The following MYZAP variants were observed in gnomAD, a reference collection of about 807,000 sequenced individuals.
The protein encoded by MYZAP is GRINL1A complex locus upstream.
MYZAP carries 66 observed loss-of-function variants against 69.4 expected under a neutral mutation model. The ratio of observed to expected loss-of-function variants is 0.95; its 90% CI spans 0.78 to 1.17. The LOEUF (loss-of-function observed/expected upper bound fraction) is 1.17. MYZAP is among the 50% of genes most tolerant of loss of function. The probability of loss-of-function intolerance (pLI) is 0.00; values close to 1 mark genes in which losing one functional copy is unlikely to be tolerated. For missense variants in MYZAP, 611 were observed against 556.2 expected, an observed-to-expected ratio of 1.10 and a Z score of -0.99; for synonymous variants, 256 against 205.9, an observed-to-expected ratio of 1.24 and a Z score of -2.09.
At chr15:57,646,121 A>G (rs1243564921) in intron 10 of MYZAP, 8 of 1,288,230 alleles carry the variant, frequency 6.2e-6, no homozygotes, top group African/African-American at 3.0e-5. Context: ...AATCCACTCA[A>G]TTGAACTGTC....
chr15:57,661,129 A>G (rs1293372572), intron 10 of MYZAP, among the ~76,000 whole-genome samples: 2 of 152,206 alleles, frequency 1.3e-5, no homozygotes, highest in Admixed American at 6.5e-5. Context: ...TTAAAGGGTT[A>G]CACAGCAAAA....
chr15:57,646,280 G>T (rs2037442495), intron 10 of MYZAP: 1 of 1,273,780 alleles, frequency 7.9e-7, no homozygotes. Context: ...GGAAGAGGTG[G>T]TATTTATCTA....
In MYZAP at chr15:57,669,745, C is replaced by T. The variant is rs551117771; in HGVS notation, c.1204-5223C>T. On this transcript the variant is annotated intron_variant, in intron 11 of 12. Transcript: ENST00000267853. ...TAGAACTTAGGTCATTGATTTTAGACCTTTCTTCTTTTTTAATATAAACCT... is the reference window on the plus strand; with the variant it reads ...TAGAACTTAGGTCATTGATTTTAGATCTTTCTTCTTTTTTAATATAAACCT... Among the ~76,000 whole-genome samples the T allele has an allele frequency of 1.4e-4, 21 of 152,124 alleles. No individual in the cohort carries two copies. The South Asian group carries it at 4.4e-3, about 32-fold the overall frequency.
rs1164422835 is a variant in MYZAP at position 57,684,547 on chromosome 15, C to G, written c.*49C>G. 8.1e-7 allele frequency: 1 copy of G among 1,233,636 alleles called. No homozygotes were observed. Among genetic ancestry groups the G allele is most frequent in the East Asian group, 2.3e-5 (1 of 42,970 alleles). The allele number at this position is 1,233,636 out of a possible 1,614,324, so 76.4% of individuals were successfully genotyped here. On this transcript the variant is annotated 3_prime_UTR_variant, in exon 13 of 13. Coordinates refer to ENST00000267853, the MANE Select transcript of MYZAP (RefSeq NM_001018100.5). ...ACAGATGGACAAAAGCTCTGGAACCCTGTGGCTTCAAATCCTTTGGGAAGG... is the reference window on the plus strand; with the variant it reads ...ACAGATGGACAAAAGCTCTGGAACCGTGTGGCTTCAAATCCTTTGGGAAGG...
At chr15:57,646,326 A>T in intron 10 of MYZAP, 3 of 1,199,274 alleles carry the variant, frequency 2.5e-6, no homozygotes, top group Middle Eastern at 2.8e-4. Flanking sequence ...AGGACATATT[A>T]TTTAAAGGAA....
chr15:57,650,570 GCAAATTATC>G lies in MYZAP; in HGVS notation c.1120-10876_1120-10868del, dbSNP rs1360954478. Among the ~76,000 whole-genome samples the G allele has an allele frequency of 2.0e-5, 3 of 152,148 alleles. No individual in the cohort carries two copies. In the South Asian group the frequency reaches 6.2e-4, roughly 32 times the overall value. On this transcript the variant is annotated intron_variant, in intron 10 of 12. Transcript: ENST00000267853. ...CTACTGACTAGGCTTTGTATCTTGA[GCAAATTATC>G]CAAGATTCAGTTTCCTTATCAATAA...
chr15:57,642,701 C>G (rs1398057114), intron 10 of MYZAP, among the ~76,000 whole-genome samples: 1 of 152,154 alleles, frequency 6.6e-6, no homozygotes, highest in Non-Finnish European at 1.5e-5. Flanking sequence ...GTCACTACTG[C>G]GATCCTTGGG....
rs77166769 is a variant in MYZAP, at chr15:57,601,309, C to G, written c.76-2960C>G. 7.2e-3 allele frequency among the ~76,000 whole-genome samples: 1,034 copies of G among 144,542 alleles called. 6 individuals carry two copies. Among genetic ancestry groups the G allele is most frequent in the Non-Finnish European group, 8.2e-3 (536 of 65,658 alleles). The allele number at this position is 144,542 out of a possible 152,430, so 94.8% of individuals were successfully genotyped here. A position where few individuals can be genotyped will look rare whatever the true frequency, so the allele number is the denominator to read the frequency against. On this transcript the variant is annotated intron_variant, in intron 1 of 12. Coordinates refer to ENST00000267853, the MANE Select transcript of MYZAP (RefSeq NM_001018100.5). ...GTGTGTGTGTGTGTGTGATGTGGTG[C>G]AGGAGAAAAGGACTTCCTTTTCCCT...
chr15:57,604,118 C>T, intron 1 of MYZAP, 151 bp from the exon 2 acceptor site: 1 of 794,748 alleles, frequency 1.3e-6, no homozygotes, highest in East Asian at 2.6e-5. Flanking sequence ...GAAGGTAAGG[C>T]TGGCCTTATC....
intron 5 of MYZAP, 36 bp downstream of exon 5, chr15:57,625,928 A>G (rs1206236075): frequency 6.3e-7 from 1 of 1,585,700 alleles, no homozygotes; most frequent in East Asian, 2.2e-5. Flanking sequence ...AGGGCAACCC[A>G]GCTTAATCAA....
chr15:57,633,796 C>A, intron 8 of MYZAP, 55 bp downstream of exon 8: 2 of 1,425,382 alleles, frequency 1.4e-6, no homozygotes, highest in Non-Finnish European at 9.2e-7. Flanking sequence ...CCCTGTAGGT[C>A]CATCTGAGAT....
chr15:57,671,443 G>T (rs2038862697), intron 11 of MYZAP, among the ~76,000 whole-genome samples: 1 of 151,938 alleles, frequency 6.6e-6, no homozygotes, highest in African/African-American at 2.4e-5. Flanking sequence ...AATTTGGGGA[G>T]TTTTCAGCTA....
intron 5 of MYZAP, among the ~76,000 whole-genome samples, chr15:57,628,510 C>T (rs1230115561): frequency 5.3e-5 from 8 of 152,044 alleles, no homozygotes; most frequent in Non-Finnish European, 8.8e-5. Flanking sequence ...ACCTCAGCCT[C>T]CCAAAGTGCT....
Position 57,604,277 on chromosome 15 carries a change from T to C in MYZAP, c.84T>C (p.Val28=), listed in dbSNP as rs1337352123. 6.8e-6 allele frequency: 11 copies of C among 1,614,174 alleles called. No individual in the cohort carries two copies. The highest frequency in any genetic ancestry group is 8.5e-6 in the Non-Finnish European group (10 of 1,180,024). ...CTTTCCCTCTCTTCTAGGCAAATGT[T>C]TGCAGACTACGGCTGACCGTACCTC... The part of the protein sequence containing the change: ...TPGAPSRRAN[V]CRLRLTVPPE... The change falls in exon 2 of 13, where the codon GTT becomes GTC. Residue 28 remains valine, a synonymous_variant. Transcript: ENST00000267853.
intron 1 of MYZAP, among the ~76,000 whole-genome samples, chr15:57,597,901 C>G (rs1176922686): frequency 1.3e-5 from 2 of 152,142 alleles, no homozygotes; most frequent in African/African-American, 2.4e-5. Flanking sequence ...AGTGTGGGGT[C>G]TGTTCCCCCT....
At chr15:57,666,672 G>A (rs72745531) in intron 11 of MYZAP, among the ~76,000 whole-genome samples, 5,047 of 152,120 alleles carry the variant, frequency 0.033, 94 homozygotes, top group Admixed American at 0.048. Flanking sequence ...TACTAGATGC[G>A]GGAAAGAGGG....
At chr15:57,601,194 C>T (rs1346971230) in intron 1 of MYZAP, among the ~76,000 whole-genome samples, 2 of 151,994 alleles carry the variant, frequency 1.3e-5, no homozygotes, top group Non-Finnish European at 2.9e-5. Flanking sequence ...AGTAACTTTC[C>T]CGTAGACACA....
rs373101967 is a variant in MYZAP at position 57,635,876 on chromosome 15, T to C, written c.934-1819T>C. Among the ~76,000 whole-genome samples, 5 of 152,344 alleles carry C rather than the reference T, an allele frequency of 3.3e-5. No individual in the cohort carries two copies. The East Asian group carries it at 7.7e-4, about 23-fold the overall frequency. ...TGCCTTAGTTTACTGTTTCTCTTGC[T>C]GAGCACTGTATTTCAAACACCTTTT... On this transcript the variant is annotated intron_variant, in intron 8 of 12. Transcript: ENST00000267853.
At chr15:57,641,236 G>A (rs1215389078) in intron 10 of MYZAP, among the ~76,000 whole-genome samples, 1 of 152,124 alleles carries the variant, frequency 6.6e-6, no homozygotes, top group Non-Finnish European at 1.5e-5. Context: ...GGTTAAGGCT[G>A]TACCAGAATC....
Sources: allele counts gnomAD v4.1 joint callset (sites outside exome capture counted in the v4.1 genomes callset), GRCh38; gene constraint gnomAD v4.1.1; transcripts MANE v1.5; gene names NCBI Gene and HGNC (gene_info 2026-07-23, HGNC 2026-07-21).